The following FNDC3B variants were observed in gnomAD, a reference collection of about 807,000 sequenced individuals.
FNDC3B encodes fibronectin type III domain containing 3B, also known as fibronectin type III domain-containing protein 3B.
Under a neutral mutation model 151.5 loss-of-function variants are expected in FNDC3B, and 12 were observed. That is an observed-to-expected ratio of 0.08 (90% CI 0.05 to 0.13). The LOEUF is 0.13. Ranked by LOEUF, FNDC3B falls within the 10% of genes least tolerant of loss-of-function variation. FNDC3B has a pLI of 1.00. For synonymous variants in FNDC3B, 528 were observed against 549.0 expected (o/e 0.96, Z 0.54); for missense variants, 1,214 against 1,505.3 (o/e 0.81, Z 3.20).
At chr3:172,264,288 C>T (rs759200435) in intron 6 of FNDC3B, among the ~76,000 whole-genome samples, 17 of 152,182 alleles carry the variant, frequency 1.1e-4, no homozygotes, top group African/African-American at 2.9e-4. Context: ...TGAGTCACCA[C>T]GCCCAGCCCT....
chr3:172,104,505 T>G (rs1190992912), intron 1 of FNDC3B, among the ~76,000 whole-genome samples: 2 of 152,112 alleles, frequency 1.3e-5, no homozygotes, highest in African/African-American at 4.8e-5. Flanking sequence ...CTACTTAATT[T>G]GATTTTTTAA....
At chr3:172,362,930 G>T (rs994155412) in intron 23 of FNDC3B, 85 bp downstream of exon 23, 6 of 1,051,410 alleles carry the variant, frequency 5.7e-6, no homozygotes, top group Middle Eastern at 2.9e-4. Context: ...TTATTTGCTT[G>T]CACTAAGACC....
At chr3:172,128,396 T>C (rs1034574074) in intron 2 of FNDC3B, among the ~76,000 whole-genome samples, 4 of 152,214 alleles carry the variant, frequency 2.6e-5, no homozygotes, top group Non-Finnish European at 5.9e-5. Context: ...CTTTTCCTGA[T>C]TTGGAGAAAA....
rs1226982559 is a variant in FNDC3B at position 172,039,622 on chromosome 3, T to TGAGCGGCGGCGGCGGCGGCTGGAGGAGGA, written c.-162_-134dup. The stretch of plus-strand genomic sequence containing the variant: ...CCATCAAACCCTCCTGGTAGTTATT[T>TGAGCGGCGGCGGCGGCGGCTGGAGGAGGA]GAGCGGCGGCGGCGGCGGCTGGAGG... On this transcript the variant is annotated 5_prime_UTR_variant, in exon 1 of 26. Coordinates refer to ENST00000415807, the MANE Select transcript of FNDC3B (RefSeq NM_022763.4). 204 of 163,330 alleles carry TGAGCGGCGGCGGCGGCGGCTGGAGGAGGA rather than the reference T, an allele frequency of 1.2e-3. 3 individuals carry two copies. The East Asian group carries it at 0.021, about 17-fold the overall frequency. The allele number at this position is 163,330 out of a possible 1,614,324, so 10.1% of individuals were successfully genotyped here.
chr3:172,072,665 T>C (rs1717834452), intron 1 of FNDC3B, among the ~76,000 whole-genome samples: 1 of 152,220 alleles, frequency 6.6e-6, no homozygotes, highest in South Asian at 2.1e-4. Context: ...TCCAGCTTCT[T>C]GGTCAAGCTT....
Position 172,347,202 on chromosome 3 carries a change from G to C in FNDC3B, c.2365-10G>C. The C allele has an allele frequency of 6.2e-7, 1 of 1,606,234 alleles. No individual in the cohort carries two copies. Among genetic ancestry groups the C allele is most frequent in the African/African-American group, 1.3e-5 (1 of 74,726 alleles). ...GGCATTATTAACTACTTCCATTTCT[G>C]CCTTTCCAGAGTCCTGATAGTTCTG... is the stretch of plus-strand genomic sequence containing the variant. On this transcript the variant is annotated splice_polypyrimidine_tract_variant and intron_variant, in intron 20 of 25. Transcript: ENST00000415807.
intron 11 of FNDC3B, chr3:172,317,237 G>T (rs769275327): frequency 4.7e-6 from 2 of 429,188 alleles, no homozygotes; most frequent in African/African-American, 2.1e-5. Context: ...AGGCTGGAGT[G>T]CAGTGGTGCG....
At chr3:172,112,689 A>G in intron 2 of FNDC3B, 99 bp downstream of exon 2, 1 of 836,256 alleles carries the variant, frequency 1.2e-6, no homozygotes, top group Non-Finnish European at 2.1e-6. Flanking sequence ...TGTGATTTCA[A>G]ACCTTAGCAT....
At chr3:172,192,273 A>C (rs1724558652) in intron 3 of FNDC3B, among the ~76,000 whole-genome samples, 2 of 151,368 alleles carry the variant, frequency 1.3e-5, no homozygotes, top group Non-Finnish European at 2.9e-5. Flanking sequence ...CCCTGGTACA[A>C]GCGATTCTCC....
At chr3:172,165,184 A>G (rs1722950611) in intron 3 of FNDC3B, among the ~76,000 whole-genome samples, 1 of 152,018 alleles carries the variant, frequency 6.6e-6, no homozygotes, top group African/African-American at 2.4e-5. Context: ...TGAGTTTTGT[A>G]TCTTTTTTAG....
intron 1 of FNDC3B, among the ~76,000 whole-genome samples, chr3:172,084,415 C>T (rs1718441030): frequency 1.1e-5 from 1 of 90,826 alleles, no homozygotes. Flanking sequence ...GGTGCCACTG[C>T]ACTCCAACCT....
chr3:172,346,892 T>C (rs2108315969), intron 20 of FNDC3B, among the ~76,000 whole-genome samples: 1 of 152,070 alleles, frequency 6.6e-6, no homozygotes, highest in African/African-American at 2.4e-5. Flanking sequence ...TTAGTAGAGA[T>C]AGGGTTTCAC....
chr3:172,096,664 C>CT (rs1467450734), intron 1 of FNDC3B, among the ~76,000 whole-genome samples: 1 of 151,468 alleles, frequency 6.6e-6, no homozygotes, highest in Non-Finnish European at 1.5e-5. Context: ...ATCTGTAGCC[C>CT]CTTACTGTAA....
intron 3 of FNDC3B, among the ~76,000 whole-genome samples, chr3:172,205,000 G>A (rs6764931): frequency 0.021 from 3,268 of 152,280 alleles, 123 homozygotes; most frequent in African/African-American, 0.073. Flanking sequence ...GGAGAGAGAC[G>A]GGAAGGACAG....
In FNDC3B at chr3:172,290,027, A is replaced by G. The variant is rs114429841; in HGVS notation, c.849+4043A>G. On this transcript the variant is annotated intron_variant, in intron 7 of 25. Transcript: ENST00000415807. ...AAAAGTGAAACTTCTGTGCTCTTACATGGGAAGGAAGAGGTATCAGGCCAT... is the reference window on the plus strand; with the variant it reads ...AAAAGTGAAACTTCTGTGCTCTTACGTGGGAAGGAAGAGGTATCAGGCCAT... Among the ~76,000 whole-genome samples, 1,202 of 152,332 alleles carry G rather than the reference A, an allele frequency of 7.9e-3. 14 individuals are homozygous for G. Among genetic ancestry groups the G allele is most frequent in the African/African-American group, 0.028 (1,153 of 41,588 alleles).
At chr3:172,164,053 C>T (rs1228242426) in intron 3 of FNDC3B, among the ~76,000 whole-genome samples, 2 of 151,982 alleles carry the variant, frequency 1.3e-5, no homozygotes, top group African/African-American at 4.8e-5. Flanking sequence ...TTTTTATTTT[C>T]TCAAAGAAAA....
intron 1 of FNDC3B, among the ~76,000 whole-genome samples, chr3:172,057,748 T>G (rs1358599898): frequency 1.3e-5 from 2 of 151,946 alleles, no homozygotes; most frequent in Non-Finnish European, 2.9e-5. Context: ...AAAGGTCAGT[T>G]TCTTCAGTGC....
Position 172,346,313 on chromosome 3 carries a change from G to C in FNDC3B, c.2251-14G>C. 1 of 1,488,960 alleles carries C rather than the reference G, an allele frequency of 6.7e-7. No individual in the cohort carries two copies. The highest frequency in any genetic ancestry group is 1.1e-5 in the South Asian group (1 of 87,870). The allele number at this position is 1,488,960 out of a possible 1,614,324, so 92.2% of individuals were successfully genotyped here. A position where few individuals can be genotyped will look rare whatever the true frequency, so the allele number is the denominator to read the frequency against. ...CATATATACATACGTGTGTGTGCGT[G>C]TGTTTTCTTTCAGTATGGTCCCTAT... On this transcript the variant is annotated splice_polypyrimidine_tract_variant and intron_variant, in intron 19 of 25. Coordinates refer to ENST00000415807, the MANE Select transcript of FNDC3B (RefSeq NM_022763.4).
At chr3:172,207,340 A>G (rs900757610) in intron 3 of FNDC3B, among the ~76,000 whole-genome samples, 2 of 152,206 alleles carry the variant, frequency 1.3e-5, no homozygotes, top group African/African-American at 4.8e-5. Context: ...CACAATCATT[A>G]ATATTAAAAA....
Sources: gnomAD v4.1 joint callset for allele counts (sites outside exome capture counted in the v4.1 genomes callset) on GRCh38, gnomAD v4.1.1 for gene constraint, MANE v1.5 for transcripts, NCBI Gene and HGNC (gene_info 2026-07-23, HGNC 2026-07-21) for gene names.